ENOX1: variants seen among roughly 807,000 people sequenced by gnomAD.
ENOX1 encodes the protein ecto-NOX disulfide-thiol exchanger 1, also known as candidate growth-related and time keeping constitutive hydroquinone (NADH) oxidase.
Under a neutral mutation model 82.5 loss-of-function variants are expected in ENOX1, and 42 were observed. The ratio of observed to expected loss-of-function variants is 0.51; its 90% CI spans 0.40 to 0.66. ENOX1 has a LOEUF of 0.66. Among genes scored for constraint, ENOX1 ranks in the 30% least tolerant of loss-of-function variants. ENOX1 has a pLI of 0.00. For missense variants in ENOX1, 608 were observed against 811.6 expected (o/e 0.75, Z 3.05); for synonymous variants, 271 against 282.2 (o/e 0.96, Z 0.40).
intron 2 of ENOX1, among the ~76,000 whole-genome samples, chr13:43,617,852 G>A (rs968854612): frequency 1.3e-5 from 2 of 151,814 alleles, no homozygotes; most frequent in South Asian, 2.1e-4. Flanking sequence ...AAGTGTAGAA[G>A]TGTTCCCTGT....
At chr13:43,269,807 G>A (rs992612355) in intron 12 of ENOX1, among the ~76,000 whole-genome samples, 11 of 152,156 alleles carry the variant, frequency 7.2e-5, no homozygotes, top group African/African-American at 2.2e-4. Context: ...TTTCATATTT[G>A]TGAAGGCATC....
intron 8 of ENOX1, among the ~76,000 whole-genome samples, chr13:43,351,620 C>A (rs2153552881): frequency 1.5e-5 from 2 of 130,112 alleles, no homozygotes; most frequent in South Asian, 5.3e-4. Flanking sequence ...TATTCCCCTT[C>A]ATGTGTCCAT....
At chr13:43,465,888 C>T (rs1321772196) in intron 3 of ENOX1, among the ~76,000 whole-genome samples, 2 of 152,128 alleles carry the variant, frequency 1.3e-5, no homozygotes, top group Non-Finnish European at 2.9e-5. Flanking sequence ...TTTGTTCAGC[C>T]TCAGTATTTG....
chr13:43,484,126 A>T lies in ENOX1; in HGVS notation c.-192T>A. The T allele has an allele frequency of 1.3e-5, 13 of 985,572 alleles. No homozygotes were observed. The highest frequency in any genetic ancestry group is 1.6e-5 in the Non-Finnish European group (13 of 829,920). The allele number at this position is 985,572 out of a possible 1,614,324, so 61.1% of individuals were successfully genotyped here. A position where few individuals can be genotyped will look rare whatever the true frequency, so the allele number is the denominator to read the frequency against. ...TCACAAAGGAAGTCTCATGGAAGAC[A>T]GCATGGTTCTGACATATCAGAGGCT... On this transcript the variant is annotated 5_prime_UTR_variant, in exon 3 of 17. Coordinates refer to ENST00000690772, the MANE Select transcript of ENOX1 (RefSeq NM_001347969.2).
chr13:43,335,768 CA>C lies in ENOX1; in HGVS notation c.1036+8769del, dbSNP rs386378967. Among the ~76,000 whole-genome samples, 551 of 116,826 alleles carry C rather than the reference CA, an allele frequency of 4.7e-3. 5 individuals are homozygous for C. The highest frequency in any genetic ancestry group is 0.029 in the East Asian group (129 of 4,480). 76.6% of individuals were successfully genotyped at this position (116,826 alleles called of 152,430 possible). ...TCCACGAGACTGAAAGGAAGGATAC[CA>C]AAAAAAAAAAAAAAGAAAAGAAAAA... is the stretch of plus-strand genomic sequence containing the variant. On this transcript the variant is annotated intron_variant, in intron 9 of 16. Transcript: ENST00000690772.
intron 12 of ENOX1, among the ~76,000 whole-genome samples, chr13:43,275,595 CACACAT>C (rs1015907630): frequency 3.9e-5 from 6 of 152,042 alleles, no homozygotes; most frequent in African/African-American, 1.4e-4. Flanking sequence ...CACACACACA[CACACAT>C]ACACACAATT....
chr13:43,711,436 A>C (rs2087705966), intron 1 of ENOX1, among the ~76,000 whole-genome samples: 1 of 152,188 alleles, frequency 6.6e-6, no homozygotes, highest in African/African-American at 2.4e-5. Flanking sequence ...GTATATACCC[A>C]GTAATGGGAT....
intron 5 of ENOX1, among the ~76,000 whole-genome samples, chr13:43,376,666 C>T (rs143654684): frequency 9.5e-4 from 145 of 152,310 alleles, no homozygotes; most frequent in African/African-American, 3.5e-3. Flanking sequence ...AACAGAAAGT[C>T]ATACATGTAA....
intron 4 of ENOX1, 69 bp from the exon 5 acceptor site, chr13:43,412,122 T>A: frequency 6.4e-7 from 1 of 1,550,630 alleles, no homozygotes; most frequent in Non-Finnish European, 8.9e-7. Context: ...AAAATCACAT[T>A]TCTAGATATG....
intron 2 of ENOX1, among the ~76,000 whole-genome samples, chr13:43,510,485 G>C (rs1331420882): frequency 6.6e-6 from 1 of 152,094 alleles, no homozygotes; most frequent in African/African-American, 2.4e-5. Context: ...AAAGGAATAA[G>C]TACAGGTGAA....
intron 7 of ENOX1, 109 bp from the exon 8 acceptor site, chr13:43,356,261 A>G (rs2050150560): frequency 1.2e-6 from 1 of 853,974 alleles, no homozygotes; most frequent in African/African-American, 1.7e-5. Flanking sequence ...CTTGGCTGTC[A>G]CTACGGATAC....
intron 11 of ENOX1, 27 bp downstream of exon 11, chr13:43,322,357 T>C (rs558335673): frequency 2.6e-6 from 4 of 1,556,396 alleles, no homozygotes; most frequent in Non-Finnish European, 2.7e-6. Context: ...TGATACCTCA[T>C]GGGTCTGTGG....
At chr13:43,633,710 G>A (rs894568477) in intron 2 of ENOX1, among the ~76,000 whole-genome samples, 1 of 151,590 alleles carries the variant, frequency 6.6e-6, no homozygotes, top group African/African-American at 2.4e-5. Flanking sequence ...GTGTGTGTGT[G>A]TGTGGATAGG....
intron 1 of ENOX1, 62 bp from the exon 2 acceptor site, chr13:43,667,606 GAACATATATATGT>G (rs2085045833): frequency 3.9e-6 from 2 of 514,392 alleles, no homozygotes; most frequent in Non-Finnish European, 5.0e-6. Context: ...AGAGCTGACT[GAACATATATATGT>G]AAGCAGATGC....
At position 43,213,539 on chromosome 13, in the gene ENOX1, TTTTTC is replaced by T. The variant is rs1201757624; in HGVS notation, c.*446_*450del. Reference sequence around the variant, plus strand: ...TTTCTTTTTTCTTTTTTTCTTTTTCTTTTTCTTTTTTTTTTTTTTTTTTTTTTTAC... The same window carrying T: ...TTTCTTTTTTCTTTTTTTCTTTTTCTTTTTTTTTTTTTTTTTTTTTTTTAC... On this transcript the variant is annotated 3_prime_UTR_variant, in exon 17 of 17. Coordinates refer to ENST00000690772, the MANE Select transcript of ENOX1 (RefSeq NM_001347969.2). 7.1e-5 allele frequency: 9 copies of T among 126,454 alleles called. No individual in the cohort carries two copies. Among genetic ancestry groups the T allele is most frequent in the Non-Finnish European group, 1.3e-4 (8 of 62,164 alleles). 7.8% of individuals were successfully genotyped at this position (126,454 alleles called of 1,614,324 possible).
chr13:43,525,058 C>T (rs751475136), intron 2 of ENOX1, among the ~76,000 whole-genome samples: 6 of 152,122 alleles, frequency 3.9e-5, no homozygotes, highest in Admixed American at 6.6e-5. Context: ...TACTCCTTCA[C>T]ATTTAATATT....
chr13:43,247,016 G>A (rs1266454934), intron 14 of ENOX1, among the ~76,000 whole-genome samples: 1 of 152,162 alleles, frequency 6.6e-6, no homozygotes, highest in South Asian at 2.1e-4. Flanking sequence ...CAGAGATCAC[G>A]AAGAATTAGA....
intron 2 of ENOX1, among the ~76,000 whole-genome samples, chr13:43,647,985 G>A (rs1172393144): frequency 6.6e-6 from 1 of 152,170 alleles, no homozygotes; most frequent in Non-Finnish European, 1.5e-5. Flanking sequence ...TGTAGAAAAT[G>A]GAAAAGGCAA....
chr13:43,418,364 C>T (rs1230503861), intron 3 of ENOX1, among the ~76,000 whole-genome samples: 1 of 152,058 alleles, frequency 6.6e-6, no homozygotes, highest in Admixed American at 6.6e-5. Flanking sequence ...CCTATCTCTA[C>T]TAAAAATATA....
Sources: gnomAD v4.1 joint callset for allele counts (sites outside exome capture counted in the v4.1 genomes callset) on GRCh38, gnomAD v4.1.1 for gene constraint, MANE v1.5 for transcripts, NCBI Gene and HGNC (gene_info 2026-07-23, HGNC 2026-07-21) for gene names.